The following WDR25 variants were observed in gnomAD, a reference collection of about 807,000 sequenced individuals.
WDR25 encodes the protein WD repeat domain 25, also known as WD repeat-containing protein 25.
WDR25 carries 35 observed loss-of-function variants against 47.7 expected under a neutral mutation model. The observed-to-expected ratio is 0.73, with a 90% confidence interval of 0.56 to 0.97. The LOEUF (loss-of-function observed/expected upper bound fraction) is 0.97, where lower values mean the gene tolerates loss of function less well. Ranked by LOEUF, WDR25 falls within the 50% of genes least tolerant of loss-of-function variation. The pLI is 0.00. For missense variants in WDR25, 634 were observed against 704.7 expected (o/e 0.90, Z 1.14); for synonymous variants, 248 against 278.9 (o/e 0.89, Z 1.10).
In WDR25 at chr14:100,407,548, TGTG is replaced by T. The variant is rs1308244916; in HGVS notation, c.822+25804_822+25806del. ...TCTGCCCCCTTTGTCAGTGTGCCCT[TGTG>T]GGAAGCCGGTGCGTTTCCAGGGGAG... On this transcript the variant is annotated intron_variant, in intron 2 of 6. Transcript: ENST00000402312. This position sits in a 1 kb window ranked among gnomAD's most constrained non-coding sequence, Gnocchi z 4.1. The T allele has an allele frequency of 3.3e-5, 5 of 152,354 alleles. No homozygotes were observed. The highest frequency in any genetic ancestry group is 2.6e-4 in the Admixed American group (4 of 15,274). 9.4% of individuals were successfully genotyped at this position (152,354 alleles called of 1,614,324 possible).
rs1207271666 is a variant in WDR25 at position 100,488,932 on chromosome 14, C to T, written c.1101+4808C>T. On this transcript the variant is annotated intron_variant, in intron 4 of 6. Transcript: ENST00000402312. The surrounding 1 kb of genome is among the most constrained non-coding windows in gnomAD (Gnocchi z 4.2). Reference sequence around the variant, plus strand: ...CTGGCATCCCCGACAGGGCCTGGACCAGAGCAGGTGTTCAGGATAACCTGG... The same window carrying T: ...CTGGCATCCCCGACAGGGCCTGGACTAGAGCAGGTGTTCAGGATAACCTGG... Among the ~76,000 whole-genome samples the T allele has an allele frequency of 1.3e-5, 2 of 152,192 alleles. No homozygotes were observed. The highest frequency in any genetic ancestry group is 2.9e-5 in the Non-Finnish European group (2 of 68,032).
chr14:100,528,437 T>TTC (rs1474372182), intron 5 of WDR25, among the ~76,000 whole-genome samples: 8 of 142,286 alleles, frequency 5.6e-5, no homozygotes, highest in East Asian at 3.9e-4. Context: ...CTTTCTTTCT[T>TTC]TTTTTTTTTT....
chr14:100,491,384 A>G (rs1052057023), intron 4 of WDR25, among the ~76,000 whole-genome samples: 83 of 152,238 alleles, frequency 5.5e-4, no homozygotes, highest in African/African-American at 2.0e-3. Context: ...ACATACAGTC[A>G]TGCACCACAT....
chr14:100,447,233 T>A (rs774811489), intron 2 of WDR25, among the ~76,000 whole-genome samples: 3 of 152,230 alleles, frequency 2.0e-5, no homozygotes, highest in Non-Finnish European at 4.4e-5. Context: ...CTGGAAGCTG[T>A]TCCATTTGTC....
At chr14:100,487,627 A>T (rs1900428240) in intron 4 of WDR25, 1 of 152,226 alleles carries the variant, frequency 6.6e-6, no homozygotes, top group Admixed American at 6.5e-5. Flanking sequence ...GTCTTACCCC[A>T]TTCTGTGTTC....
chr14:100,419,787 A>C lies in WDR25; in HGVS notation c.822+38041A>C, dbSNP rs557252228. On this transcript the variant is annotated intron_variant, in intron 2 of 6. Transcript: ENST00000402312. The stretch of plus-strand genomic sequence containing the variant: ...TGTCACAAATAGGATGATGTTGTGA[A>C]CACAGGCAGTTCATGCCCCTGGCCC... 3.3e-5 allele frequency among the ~76,000 whole-genome samples: 5 copies of C among 152,360 alleles called. No homozygotes were observed. In the South Asian group the frequency reaches 1.0e-3, roughly 32 times the overall value.
chr14:100,384,619 T>C (rs1402137899), intron 2 of WDR25, among the ~76,000 whole-genome samples: 1 of 151,888 alleles, frequency 6.6e-6, no homozygotes, highest in African/African-American at 2.4e-5. Flanking sequence ...GTGTGGGTGG[T>C]GGGTCTGGAG....
In WDR25 at chr14:100,499,560, G is replaced by A. The variant is rs1900846078; in HGVS notation, c.1101+15436G>A. Among the ~76,000 whole-genome samples the A allele has an allele frequency of 6.6e-6, 1 of 152,228 alleles. No homozygotes were observed. The highest frequency in any genetic ancestry group is 1.5e-5 in the Non-Finnish European group (1 of 68,044). ...ATTTGTTAGTTTGCTTGTTTTCAGT[G>A]TAGGTGAGACTTATGCATGTTCACC... is the stretch of plus-strand genomic sequence containing the variant. On this transcript the variant is annotated intron_variant, in intron 4 of 6. Coordinates refer to ENST00000402312, the MANE Select transcript of WDR25 (RefSeq NM_001161476.3). The surrounding 1 kb of genome is among the most constrained non-coding windows in gnomAD (Gnocchi z 4.4).
chr14:100,415,926 C>T (rs542205770), intron 2 of WDR25, among the ~76,000 whole-genome samples: 16 of 152,310 alleles, frequency 1.1e-4, no homozygotes, highest in African/African-American at 3.8e-4. Flanking sequence ...TTGCCAAGCA[C>T]GATTGGCACA....
At chr14:100,400,604 C>T (rs1407160054) in intron 2 of WDR25, among the ~76,000 whole-genome samples, 1 of 152,202 alleles carries the variant, frequency 6.6e-6, no homozygotes, top group East Asian at 1.9e-4. Flanking sequence ...AAAAATAAGA[C>T]TTATAAAATT....
At chr14:100,442,379 C>G (rs1055374919) in intron 2 of WDR25, among the ~76,000 whole-genome samples, 1 of 152,144 alleles carries the variant, frequency 6.6e-6, no homozygotes, top group Admixed American at 6.5e-5. Context: ...AGCTCCCAGG[C>G]TGGCAGGGAA....
chr14:100,510,723 G>A (rs559819825), intron 4 of WDR25, among the ~76,000 whole-genome samples: 162 of 138,818 alleles, frequency 1.2e-3, no homozygotes, highest in Non-Finnish European at 1.8e-3. Flanking sequence ...GTGACAGAGC[G>A]AGACACCATC....
chr14:100,516,717 T>C lies in WDR25; in HGVS notation c.1102-9153T>C, dbSNP rs367890500. Among the ~76,000 whole-genome samples, 12 of 152,104 alleles carry C rather than the reference T, an allele frequency of 7.9e-5. No individual in the cohort carries two copies. The East Asian group carries it at 2.3e-3, about 29-fold the overall frequency. On this transcript the variant is annotated intron_variant, in intron 4 of 6. Transcript: ENST00000402312. Reference sequence around the variant, plus strand: ...ATTTGGTTATTTTTAATATGGTATATTTTTTTATCCTTTTACTTATAAGCT... The same window carrying C: ...ATTTGGTTATTTTTAATATGGTATACTTTTTTATCCTTTTACTTATAAGCT...
At chr14:100,508,389 T>C (rs1901188565) in intron 4 of WDR25, among the ~76,000 whole-genome samples, 1 of 152,118 alleles carries the variant, frequency 6.6e-6, no homozygotes, top group Non-Finnish European at 1.5e-5. Flanking sequence ...ACTCTCACCA[T>C]TCCTAATTCA....
intron 4 of WDR25, among the ~76,000 whole-genome samples, chr14:100,521,894 G>A (rs12100849): frequency 0.1 from 15,806 of 152,186 alleles, 2,723 homozygotes; most frequent in African/African-American, 0.36. Context: ...GCAGCCATAT[G>A]TAGATACCTA....
chr14:100,385,703 T>C (rs565345404), intron 2 of WDR25, among the ~76,000 whole-genome samples: 2 of 152,336 alleles, frequency 1.3e-5, no homozygotes, highest in East Asian at 3.9e-4. Context: ...TTCCTCCCCT[T>C]GTCTGTGAAC....
intron 4 of WDR25, among the ~76,000 whole-genome samples, chr14:100,518,699 T>C (rs1372831478): frequency 6.6e-6 from 1 of 152,122 alleles, no homozygotes; most frequent in African/African-American, 2.4e-5. Flanking sequence ...AAGACCAGCC[T>C]GGGCAACATG....
chr14:100,478,618 C>A (rs994716898), intron 3 of WDR25, among the ~76,000 whole-genome samples: 2 of 152,114 alleles, frequency 1.3e-5, no homozygotes, highest in African/African-American at 4.8e-5. Context: ...ATTATAAGTA[C>A]AAATAGGAAA....
chr14:100,497,077 G>C (rs2140341126), intron 4 of WDR25, among the ~76,000 whole-genome samples: 1 of 152,108 alleles, frequency 6.6e-6, no homozygotes, highest in South Asian at 2.1e-4. Context: ...TTAATTTCTA[G>C]TTTAATCCTG....
Sources: gnomAD v4.1 joint callset for allele counts (sites outside exome capture counted in the v4.1 genomes callset) on GRCh38, gnomAD v4.1.1 for gene constraint, Gnocchi (gnomAD v3.1) non-coding constraint, MANE v1.5 for transcripts, NCBI Gene and HGNC (gene_info 2026-07-23, HGNC 2026-07-21) for gene names.